PEDS1: variants seen among roughly 807,000 people sequenced by gnomAD.
The protein encoded by PEDS1 is CarF homolog.
Under a neutral mutation model 35.2 loss-of-function variants are expected in PEDS1, and 14 were observed. The observed-to-expected ratio is 0.40, with a 90% CI of 0.26 to 0.62. The LOEUF is 0.62. PEDS1 is among the 20% of genes least tolerant of loss of function. PEDS1 has a pLI of 0.44. For missense variants in PEDS1, 260 were observed against 367.8 expected (o/e 0.71, Z 2.40); for synonymous variants, 152 against 152.0 (o/e 1.00, Z 0.00).
In PEDS1 at chr20:50,124,165, A is replaced by G. The variant is rs1007570659; in HGVS notation, c.*893T>C. On this transcript the variant is annotated 3_prime_UTR_variant, in exon 6 of 6. Coordinates refer to ENST00000371652, the MANE Select transcript of PEDS1 (RefSeq NM_199129.4). ...GCCAGGAAACACCACGAGGCAGCCA[A>G]GGTTAAGTAGACTCTTGCTGCTTTG... 6.5e-6 allele frequency: 1 copy of G among 152,684 alleles called. No homozygotes were observed. The highest frequency in any genetic ancestry group is 1.5e-5 in the Non-Finnish European group (1 of 68,034). The allele number at this position is 152,684 out of a possible 1,614,324, so 9.5% of individuals were successfully genotyped here. A position where few individuals can be genotyped will look rare whatever the true frequency, so the allele number is the denominator to read the frequency against.
intron 5 of PEDS1, among the ~76,000 whole-genome samples, chr20:50,127,184 G>A (rs942287372): frequency 6.6e-6 from 1 of 152,060 alleles, no homozygotes; most frequent in African/African-American, 2.4e-5. Flanking sequence ...CTGACCACCC[G>A]ATTTAAGAGG....
chr20:50,149,383 T>C (rs1342199112), intron 1 of PEDS1, among the ~76,000 whole-genome samples: 6 of 152,128 alleles, frequency 3.9e-5, no homozygotes, highest in African/African-American at 1.4e-4. Flanking sequence ...CCATGAAGCC[T>C]GGGGCACCTG....
At chr20:50,127,019 G>C (rs979787021) in intron 5 of PEDS1, among the ~76,000 whole-genome samples, 2 of 151,982 alleles carry the variant, frequency 1.3e-5, no homozygotes, top group African/African-American at 4.8e-5. Context: ...CTCCAGTCAG[G>C]AGCCTCTTTG....
intron 2 of PEDS1, among the ~76,000 whole-genome samples, chr20:50,136,964 G>A (rs941982973): frequency 6.6e-6 from 1 of 151,988 alleles, no homozygotes; most frequent in Non-Finnish European, 1.5e-5. Flanking sequence ...CTGGGAGGTT[G>A]AGGCTCCAGT....
Position 50,150,507 on chromosome 20 carries a change from G to A in PEDS1, c.121+3010C>T, listed in dbSNP as rs186190864. Among the ~76,000 whole-genome samples the A allele has an allele frequency of 1.9e-3, 289 of 152,078 alleles. 1 individual carries two copies. Among genetic ancestry groups the A allele is most frequent in the African/African-American group, 6.5e-3 (270 of 41,482 alleles). The stretch of plus-strand genomic sequence containing the variant: ...CCTTCCTCCCTTCAGGCCTCACTTC[G>A]AATGTCACCTGCTCAGGGAAGCCTT... On this transcript the variant is annotated intron_variant, in intron 1 of 5. Transcript: ENST00000371652.
At chr20:50,150,095 C>T (rs73278565) in intron 1 of PEDS1, among the ~76,000 whole-genome samples, 4,935 of 152,194 alleles carry the variant, frequency 0.032, 280 homozygotes, top group African/African-American at 0.11. Context: ...GAAGAGCATG[C>T]CTGGGGTGGG....
At chr20:50,131,147 A>T in intron 2 of PEDS1, 200 bp from the exon 3 acceptor site, 1 of 1,332,458 alleles carries the variant, frequency 7.5e-7, no homozygotes, top group Non-Finnish European at 1.1e-6. Flanking sequence ...GCTCGGGGAG[A>T]TGCCAAGACT....
chr20:50,132,509 C>T (rs1050678802), intron 2 of PEDS1, among the ~76,000 whole-genome samples: 1 of 152,164 alleles, frequency 6.6e-6, no homozygotes, highest in Non-Finnish European at 1.5e-5. Flanking sequence ...CAGCTCACTC[C>T]CTCACCTCTT....
chr20:50,136,303 T>G (rs2081233697), intron 2 of PEDS1, among the ~76,000 whole-genome samples: 1 of 152,156 alleles, frequency 6.6e-6, no homozygotes, highest in South Asian at 2.1e-4. Flanking sequence ...GAGAAAACAG[T>G]AGTTGGGTTA....
chr20:50,153,366 C>T lies in PEDS1; in HGVS notation c.121+151G>A, dbSNP rs986191096. On this transcript the variant is annotated intron_variant, in intron 1 of 5. Coordinates refer to ENST00000371652, the MANE Select transcript of PEDS1 (RefSeq NM_199129.4). ...TTCTGGCTTGGGTTCGGAAGGGACA[C>T]TGGGGTGGGGTCCCCGAACTTGCTA... The T allele has an allele frequency of 3.4e-6, 4 of 1,189,162 alleles. No individual in the cohort carries two copies. The African/African-American group carries it at 4.8e-5, about 14-fold the overall frequency. 73.7% of individuals were successfully genotyped at this position (1,189,162 alleles called of 1,614,324 possible). A position where few individuals can be genotyped will look rare whatever the true frequency, so the allele number is the denominator to read the frequency against.
chr20:50,135,886 G>A (rs1428479784), intron 2 of PEDS1, among the ~76,000 whole-genome samples: 9 of 152,206 alleles, frequency 5.9e-5, no homozygotes, highest in Admixed American at 1.3e-4. Context: ...CCATGCAGTC[G>A]TGCGGATCAG....
Position 50,129,414 on chromosome 20 carries a change from A to T in PEDS1, c.478+132T>A. On this transcript the variant is annotated intron_variant, in intron 4 of 5. Transcript: ENST00000371652. This position sits in a 1 kb window ranked among gnomAD's most constrained non-coding sequence, Gnocchi z 4.2. Reference sequence around the variant, plus strand: ...TCTTCATGTCAGGTTTCCTGATTTTACATGAAGACAATGAATGAAAACTCT... The same window carrying T: ...TCTTCATGTCAGGTTTCCTGATTTTTCATGAAGACAATGAATGAAAACTCT... 1 of 1,355,740 alleles carries T rather than the reference A, an allele frequency of 7.4e-7. No individual in the cohort carries two copies. The highest frequency in any genetic ancestry group is 9.8e-7 in the Non-Finnish European group (1 of 1,022,696). The allele number at this position is 1,355,740 out of a possible 1,614,324, so 84.0% of individuals were successfully genotyped here.
At chr20:50,140,379 G>T (rs2081280130) in intron 2 of PEDS1, among the ~76,000 whole-genome samples, 1 of 152,208 alleles carries the variant, frequency 6.6e-6, no homozygotes, top group Admixed American at 6.5e-5. Flanking sequence ...CTCACCAATG[G>T]CTTCTCATGA....
intron 5 of PEDS1, among the ~76,000 whole-genome samples, chr20:50,126,113 C>G (rs2081100682): frequency 1.3e-5 from 2 of 152,196 alleles, no homozygotes; most frequent in South Asian, 4.1e-4. Flanking sequence ...TGTTCACCCC[C>G]CAATCCCCAA....
At chr20:50,152,757 G>C (rs534140424) in intron 1 of PEDS1, among the ~76,000 whole-genome samples, 10 of 152,242 alleles carry the variant, frequency 6.6e-5, no homozygotes, top group African/African-American at 2.4e-4. Context: ...AAGAGCTAGA[G>C]TTGGGGCTTA....
intron 1 of PEDS1, among the ~76,000 whole-genome samples, chr20:50,147,361 C>T (rs1172914138): frequency 6.6e-6 from 1 of 152,252 alleles, no homozygotes; most frequent in African/African-American, 2.4e-5. Context: ...ATATGAGCTC[C>T]AGGTTCACCC....
At chr20:50,147,072 T>C (rs981853949) in intron 1 of PEDS1, among the ~76,000 whole-genome samples, 1 of 152,134 alleles carries the variant, frequency 6.6e-6, no homozygotes. Context: ...CCCCACAGCA[T>C]GCAGGGACAG....
intron 2 of PEDS1, among the ~76,000 whole-genome samples, chr20:50,141,993 C>T (rs955801810): frequency 6.6e-6 from 1 of 152,058 alleles, no homozygotes; most frequent in Non-Finnish European, 1.5e-5. Context: ...GTCTTGGAGC[C>T]GGGGATGGGG....
At chr20:50,142,081 A>G (rs569674024) in intron 2 of PEDS1, among the ~76,000 whole-genome samples, 3 of 152,266 alleles carry the variant, frequency 2.0e-5, no homozygotes, top group East Asian at 3.9e-4. Flanking sequence ...ATTAACAACT[A>G]TGTTGTACTC....
Sources: allele counts gnomAD v4.1 joint callset (sites outside exome capture counted in the v4.1 genomes callset), GRCh38; gene constraint gnomAD v4.1.1; non-coding constraint Gnocchi (gnomAD v3.1); transcripts MANE v1.5; gene names NCBI Gene and HGNC (gene_info 2026-07-23, HGNC 2026-07-21).